PDE4A: variants seen among roughly 807,000 people sequenced by gnomAD.
PDE4A encodes 3',5'-cyclic-AMP phosphodiesterase 4A.
PDE4A carries 21 observed loss-of-function variants against 73.9 expected under a neutral mutation model. The observed-to-expected ratio is 0.28, with a 90% CI of 0.20 to 0.41. The LOEUF (loss-of-function observed/expected upper bound fraction) is 0.41, where lower values mean the gene tolerates loss of function less well. Among genes scored for constraint, PDE4A ranks in the 10% least tolerant of loss-of-function variants. The pLI is 1.00. For synonymous variants in PDE4A, 463 were observed against 505.4 expected, an observed-to-expected ratio of 0.92 and a Z score of 1.13; for missense variants, 958 against 1,211.4, an observed-to-expected ratio of 0.79 and a Z score of 3.10.
intron 1 of PDE4A, among the ~76,000 whole-genome samples, chr19:10,427,279 G>A (rs745470867): frequency 3.3e-5 from 5 of 152,230 alleles, no homozygotes; most frequent in Non-Finnish European, 7.3e-5. Flanking sequence ...CAGCCTGGGT[G>A]ACAGAGCAAG....
At chr19:10,417,178 A>C, upstream of PDE4A, 1 of 983,070 alleles carries the variant, frequency 1.0e-6, no homozygotes, top group South Asian at 4.7e-5. Context: ...AGAGGCTCTC[A>C]GCCGGCCCAG....
At chr19:10,457,779 G>A (rs1010682849) in intron 7 of PDE4A, 100 bp from the exon 8 acceptor site, 2 of 1,536,008 alleles carry the variant, frequency 1.3e-6, no homozygotes, top group Non-Finnish European at 1.7e-6. Flanking sequence ...CTGCCGTTTC[G>A]GGTGAGCCTT....
At chr19:10,417,511 T>TGA, upstream of PDE4A, 1 of 1,426,424 alleles carries the variant, frequency 7.0e-7, no homozygotes, top group East Asian at 2.5e-5. Context: ...ACCCTCTGTG[T>TGA]GAGGGGTCAG....
At chr19:10,426,698 C>A (rs1015058285) in intron 1 of PDE4A, among the ~76,000 whole-genome samples, 2 of 151,586 alleles carry the variant, frequency 1.3e-5, no homozygotes, top group African/African-American at 4.8e-5. Flanking sequence ...CCTGGCAAAA[C>A]CCTGTCTCTA....
chr19:10,435,121 C>T (rs1428015790), intron 1 of PDE4A, among the ~76,000 whole-genome samples: 1 of 152,004 alleles, frequency 6.6e-6, no homozygotes, highest in Non-Finnish European at 1.5e-5. Context: ...CTGCAGTAGT[C>T]ATCCCCCAAG....
At chr19:10,435,076 C>T (rs1211349256) in intron 1 of PDE4A, among the ~76,000 whole-genome samples, 1 of 151,894 alleles carries the variant, frequency 6.6e-6, no homozygotes, top group African/African-American at 2.4e-5. Flanking sequence ...TTTCCCCCGC[C>T]CCCGCTCCCT....
chr19:10,432,451 CGCCCCGGGCCCG>C, intron 1 of PDE4A: 1 of 1,480,862 alleles, frequency 6.8e-7, no homozygotes, highest in Non-Finnish European at 8.9e-7. Flanking sequence ...TCCGGTGCAG[CGCCCCGGGCCCG>C]GCCCCGGCCC....
chr19:10,464,619 A>G (rs776230849), intron 14 of PDE4A, among the ~76,000 whole-genome samples: 1 of 151,934 alleles, frequency 6.6e-6, no homozygotes, highest in Non-Finnish European at 1.5e-5. Context: ...GGGATTTGCT[A>G]TGTTGCCAGA....
chr19:10,443,192 T>C (rs2042961004), intron 1 of PDE4A, among the ~76,000 whole-genome samples: 1 of 151,722 alleles, frequency 6.6e-6, no homozygotes, highest in African/African-American at 2.4e-5. Flanking sequence ...AGCTGCAAAC[T>C]TGGAGAAAAA....
chr19:10,434,024 A>T (rs2042830746), intron 1 of PDE4A, among the ~76,000 whole-genome samples: 1 of 152,168 alleles, frequency 6.6e-6, no homozygotes, highest in African/African-American at 2.4e-5. Context: ...TGAGCCCAGG[A>T]GTTTGAGACC....
At chr19:10,464,650 T>G (rs1242032555) in intron 14 of PDE4A, among the ~76,000 whole-genome samples, 1 of 152,110 alleles carries the variant, frequency 6.6e-6, no homozygotes, top group Non-Finnish European at 1.5e-5. Flanking sequence ...ACTCCTGGGC[T>G]CAAACCTTGG....
intron 1 of PDE4A, among the ~76,000 whole-genome samples, chr19:10,435,401 A>AT (rs985330991): frequency 1.1e-5 from 1 of 91,864 alleles, no homozygotes; most frequent in African/African-American, 8.8e-5. Flanking sequence ...ATTTCTGCTT[A>AT]AAAAAAAAAA....
At chr19:10,420,207 G>A (rs1053081493), upstream of PDE4A, 1 of 173,166 alleles carries the variant, frequency 5.8e-6, no homozygotes, top group East Asian at 1.9e-4. The surrounding 1 kb of genome is among the most constrained non-coding windows in gnomAD (Gnocchi z 6.0). Flanking sequence ...TCGCCATGAT[G>A]GACCGACTGA....
rs188071486 is a variant in PDE4A at position 10,452,982 on chromosome 19, G to A, written c.784-1847G>A. The A allele has an allele frequency of 3.7e-5, 47 of 1,256,986 alleles. No individual in the cohort carries two copies. In the African/African-American group the frequency reaches 6.8e-4, roughly 18 times the overall value. The allele number at this position is 1,256,986 out of a possible 1,614,324, so 77.9% of individuals were successfully genotyped here. On this transcript the variant is annotated intron_variant, in intron 6 of 14. Coordinates refer to ENST00000380702, the MANE Select transcript of PDE4A (RefSeq NM_001111307.2). ...TCCGCAGCCTCCTCCTGGGACCCTTGCCCTGCCCCCCTCCCATGGGCACGG... is the reference window on the plus strand; with the variant it reads ...TCCGCAGCCTCCTCCTGGGACCCTTACCCTGCCCCCCTCCCATGGGCACGG...
At position 10,463,884 on chromosome 19, in the gene PDE4A, A is replaced by G; in HGVS notation, c.1835A>G (p.Glu612Gly). Residue 612 changes from glutamate to glycine, a missense_variant, in exon 14 of 15, where the codon GAG (glutamate) becomes GGG (glycine). Physicochemically the swap from Glu to Gly is moderately conservative, Grantham distance 98. Around this residue, in one of 3 missense-constraint regions of PDE4A, gnomAD observed 570 missense variants for 827.7 expected, o/e 0.69. Coordinates refer to ENST00000380702, the MANE Select transcript of PDE4A (RefSeq NM_001111307.2). ...YRQWTDRIMA[E>G]FFQQGDRERE... is the part of the protein sequence containing the mutation. ...CAGTGGACAGACCGCATCATGGCCGAGTTCTTCCAGCAGGGTGACCGAGAG... is the reference window on the plus strand; with the variant it reads ...CAGTGGACAGACCGCATCATGGCCGGGTTCTTCCAGCAGGGTGACCGAGAG... The G allele has an allele frequency of 6.2e-7, 1 of 1,614,114 alleles. No individual in the cohort carries two copies. Among genetic ancestry groups the G allele is most frequent in the Non-Finnish European group, 8.5e-7 (1 of 1,180,024 alleles).
intron 1 of PDE4A, among the ~76,000 whole-genome samples, chr19:10,436,828 T>G (rs1265787715): frequency 6.6e-6 from 1 of 151,938 alleles, no homozygotes; most frequent in Non-Finnish European, 1.5e-5. Flanking sequence ...TCACCTGAGG[T>G]CAGGAGTTCG....
At chr19:10,435,561 A>AACACACACACACACACAC (rs35022243) in intron 1 of PDE4A, among the ~76,000 whole-genome samples, 1 of 145,366 alleles carries the variant, frequency 6.9e-6, no homozygotes, top group African/African-American at 2.5e-5. Flanking sequence ...ACCCTGTATC[A>AACACACACACACACACAC]ACACACACAC....
chr19:10,418,815 G>T (rs1482518815), upstream of PDE4A: 1 of 985,132 alleles, frequency 1.0e-6, no homozygotes, highest in Non-Finnish European at 1.2e-6. Flanking sequence ...CAAGAATTTG[G>T]CCCAGCCCAG....
Position 10,463,833 on chromosome 19 carries a change from C to T in PDE4A, c.1784C>T (p.Pro595Leu). ...GTGCACTGTGCCGACCTCAGCAACC[C>T]CACCAAGCCGCTGGAGCTGTACCGC... The part of the protein sequence containing the change: ...NMVHCADLSN[P>L]TKPLELYRQW... The change falls in exon 14 of 15, where the codon CCC becomes CTC. Residue 595 changes from proline to leucine, a missense_variant. Transcript: ENST00000380702. 1 of 1,614,188 alleles carries T rather than the reference C, an allele frequency of 6.2e-7. No individual in the cohort carries two copies. Among genetic ancestry groups the T allele is most frequent in the Non-Finnish European group, 8.5e-7 (1 of 1,180,038 alleles).
Sources: gnomAD v4.1 joint callset for allele counts (sites outside exome capture counted in the v4.1 genomes callset) on GRCh38, gnomAD v4.1.1 for gene constraint, gnomAD v4.1.1 regional missense constraint, Gnocchi (gnomAD v3.1) non-coding constraint, MANE v1.5 for transcripts, NCBI Gene and HGNC (gene_info 2026-07-23, HGNC 2026-07-21) for gene names.